The following ARAP2 variants were observed in gnomAD, a reference collection of about 807,000 sequenced individuals.
ARAP2 encodes the protein arf-GAP with Rho-GAP domain, ANK repeat and PH domain-containing protein 2.
A neutral mutation model predicts 194.5 loss-of-function variants in ARAP2; 148 were observed. That is an observed-to-expected ratio of 0.76 (90% CI 0.67 to 0.87). The LOEUF is 0.87. Among genes scored for constraint, ARAP2 ranks in the 40% least tolerant of loss-of-function variants. The probability of loss-of-function intolerance (pLI) is 0.00; values close to 1 mark genes in which losing one functional copy is unlikely to be tolerated. For missense variants in ARAP2, 2,128 were observed against 1,989.7 expected (o/e 1.07, Z -1.32); for synonymous variants, 695 against 683.5 (o/e 1.02, Z -0.26).
chr4:36,125,773 G>A (rs755182915), intron 21 of ARAP2, among the ~76,000 whole-genome samples: 3 of 152,044 alleles, frequency 2.0e-5, no homozygotes, highest in Non-Finnish European at 4.4e-5. Context: ...GCTACCTGAA[G>A]TGGAAATAGA....
Position 36,200,226 on chromosome 4 carries a change from C to T in ARAP2, c.1488-6579G>A, listed in dbSNP as rs1281963040. ...ACTTTACACTTATATCTTTTCTCAG[C>T]ACTATTCCCTTTTTTTATTTTTGTT... On this transcript the variant is annotated intron_variant, in intron 6 of 32. Transcript: ENST00000303965. Among the ~76,000 whole-genome samples, 4 of 81,386 alleles carry T rather than the reference C, an allele frequency of 4.9e-5. No homozygotes were observed. In the East Asian group the frequency reaches 1.8e-3, roughly 36 times the overall value. The allele number at this position is 81,386 out of a possible 152,430, so 53.4% of individuals were successfully genotyped here. A position where few individuals can be genotyped will look rare whatever the true frequency, so the allele number is the denominator to read the frequency against.
chr4:36,056,326 C>G (rs531331084), intron 2 of ARAP2, among the ~76,000 whole-genome samples: 47 of 152,216 alleles, frequency 3.1e-4, no homozygotes, highest in Non-Finnish European at 5.0e-4. Context: ...TGGACTGTGA[C>G]CCTTGAAGCT....
chr4:36,214,431 C>T lies in ARAP2; in HGVS notation c.955G>A (p.Ala319Thr). 2.5e-6 allele frequency: 4 copies of T among 1,594,436 alleles called. No homozygotes were observed. The highest frequency in any genetic ancestry group is 2.3e-5 in the South Asian group (2 of 88,348). Residue 319 changes from alanine (A) to threonine (T), a missense_variant, in exon 3 of 33, where the codon GCA (alanine) becomes ACA (threonine). Physicochemically the swap from Ala to Thr is moderately conservative, Grantham distance 58 (BLOSUM62 0). Transcript: ENST00000303965. ...AAACACATAGACTCACTTTGCCATG[C>T]CACAGATTTTTCAGTTGAGGTAGCA... ...NVATSTEKSV[A>T]WQNSNEENSS...
intron 27 of ARAP2, among the ~76,000 whole-genome samples, chr4:36,103,408 T>G (rs1044373567): frequency 6.6e-6 from 1 of 151,538 alleles, no homozygotes; most frequent in Non-Finnish European, 1.5e-5. Context: ...TTACAGAAGC[T>G]ATACATTTAT....
At chr4:36,173,774 C>T (rs539706442) in intron 9 of ARAP2, among the ~76,000 whole-genome samples, 1 of 152,268 alleles carries the variant, frequency 6.6e-6, no homozygotes, top group South Asian at 2.1e-4. Flanking sequence ...TTACTGAGTG[C>T]TAGCTTATTG....
chr4:36,155,036 T>C (rs938314469), intron 15 of ARAP2, among the ~76,000 whole-genome samples: 1 of 152,234 alleles, frequency 6.6e-6, no homozygotes, highest in Non-Finnish European at 1.5e-5. Context: ...ATATGCTTTG[T>C]GCCAGCAATT....
Position 36,187,563 on chromosome 4 carries a change from A to G in ARAP2, c.1566T>C (p.Tyr522=). 6.4e-7 allele frequency: 1 copy of G among 1,554,800 alleles called. No homozygotes were observed. The highest frequency in any genetic ancestry group is 1.3e-5 in the South Asian group (1 of 78,034). The change falls in exon 8 of 33, where the codon TAT becomes TAC. Residue 522 remains tyrosine, a synonymous_variant. Coordinates refer to ENST00000303965, the MANE Select transcript of ARAP2 (RefSeq NM_015230.4). ...ISYYNNEKEM[Y]SKGIIPLSAI... Reference sequence around the variant, plus strand: ...CAGAAAGGGGAATTATTCCTTTCGAATACATCTCCTGTATTGGTTAGAAAA... The same window carrying G: ...CAGAAAGGGGAATTATTCCTTTCGAGTACATCTCCTGTATTGGTTAGAAAA...
intron 4 of ARAP2, among the ~76,000 whole-genome samples, 169 bp from the exon 5 acceptor site, chr4:36,212,656 T>C (rs1049712581): frequency 4.8e-5 from 5 of 103,582 alleles, no homozygotes; most frequent in Non-Finnish European, 9.9e-5. Flanking sequence ...TTAGTCTACA[T>C]TAAACAGACT....
At position 36,228,950 on chromosome 4, in the gene ARAP2, T is replaced by A; in HGVS notation, c.537A>T (p.Glu179Asp). Residue 179 changes from glutamate to aspartate, a missense_variant, in exon 2 of 33, where the codon GAA becomes GAT. Glu to Asp is a conservative substitution (Grantham distance 45). Transcript: ENST00000303965. ...CCACAGTCTTCTTTGTAATCAATGA[T>A]TCTATTTTAATATTGTCACTACCAA... ...SLFGSDNIKIESLITKKTVDH... is the reference protein window; with the variant it reads ...SLFGSDNIKIDSLITKKTVDH... 6.2e-7 allele frequency: 1 copy of A among 1,614,088 alleles called. No individual in the cohort carries two copies. The highest frequency in any genetic ancestry group is 8.5e-7 in the Non-Finnish European group (1 of 1,179,998).
intron 29 of ARAP2, among the ~76,000 whole-genome samples, chr4:36,082,968 C>T (rs540319577): frequency 2.0e-5 from 3 of 152,066 alleles, no homozygotes; most frequent in Non-Finnish European, 4.4e-5. Context: ...TTGTAGAAGC[C>T]AAGCATCAGG....
intron 17 of ARAP2, among the ~76,000 whole-genome samples, chr4:36,148,157 T>C (rs536176805): frequency 6.6e-6 from 1 of 152,280 alleles, no homozygotes; most frequent in Non-Finnish European, 1.5e-5. Context: ...ATTGAGAATA[T>C]CCTAACCATC....
chr4:36,214,534 G>A (rs887232508), intron 2 of ARAP2, 54 bp from the exon 3 acceptor site: 6 of 1,178,246 alleles, frequency 5.1e-6, no homozygotes, highest in Non-Finnish European at 7.1e-6. Flanking sequence ...TGATATTTAT[G>A]AGTAAAATTA....
chr4:36,026,871 G>T (rs750458449), intron 5 of ARAP2, among the ~76,000 whole-genome samples: 4 of 152,228 alleles, frequency 2.6e-5, no homozygotes, highest in Admixed American at 6.5e-5. Flanking sequence ...ACGTGCGCCA[G>T]CAGGGCAAGC....
At chr4:36,207,222 A>C (rs1481968170) in intron 6 of ARAP2, among the ~76,000 whole-genome samples, 2 of 152,232 alleles carry the variant, frequency 1.3e-5, no homozygotes, top group African/African-American at 2.4e-5. Context: ...GAAAAGCTTA[A>C]GTTTATTATT....
intron 19 of ARAP2, among the ~76,000 whole-genome samples, chr4:36,145,352 T>C (rs1436055313): frequency 1.3e-5 from 2 of 151,910 alleles, no homozygotes; most frequent in African/African-American, 4.8e-5. Context: ...CAACCATAAA[T>C]AGGAATGAAG....
Position 36,124,966 on chromosome 4 carries a change from ATCTG to A in ARAP2, c.3641-3_3641del. The A allele has an allele frequency of 6.3e-7, 1 of 1,588,970 alleles. No individual in the cohort carries two copies. On this transcript the variant is annotated splice_acceptor_variant and splice_polypyrimidine_tract_variant and coding_sequence_variant and intron_variant, in exon 22 of 33. Coordinates refer to ENST00000303965, the MANE Select transcript of ARAP2 (RefSeq NM_015230.4). LOFTEE classifies it high-confidence loss of function. ...TAATTCTTTCCTTGTCATCTTGCGT[ATCTG>A]AAGGGGAAAAAAAAACAATCTTGAG...
At chr4:36,200,265 T>A (rs772475841) in intron 6 of ARAP2, among the ~76,000 whole-genome samples, 70 of 152,190 alleles carry the variant, frequency 4.6e-4, no homozygotes, top group African/African-American at 5.3e-4. Flanking sequence ...TTATTTATTT[T>A]TTTTTTTGAG....
At chr4:36,037,417 A>G (rs1720111709) in intron 5 of ARAP2, among the ~76,000 whole-genome samples, 2 of 152,164 alleles carry the variant, frequency 1.3e-5, no homozygotes. Flanking sequence ...TTAGCCATGC[A>G]TGTACTCCCC....
intron 15 of ARAP2, among the ~76,000 whole-genome samples, chr4:36,155,100 T>A (rs1486273784): frequency 6.6e-6 from 1 of 152,206 alleles, no homozygotes; most frequent in Non-Finnish European, 1.5e-5. Flanking sequence ...AGTCACCCAT[T>A]TACACTAGTA....
Sources: allele counts gnomAD v4.1 joint callset (sites outside exome capture counted in the v4.1 genomes callset), GRCh38; gene constraint gnomAD v4.1.1; transcripts MANE v1.5; gene names NCBI Gene and HGNC (gene_info 2026-07-23, HGNC 2026-07-21).